Variants in GPATCH8 observed in about 807,000 individuals in gnomAD.
GPATCH8 encodes G-patch domain containing 8.
GPATCH8 carries 18 observed loss-of-function variants against 118.3 expected under a neutral mutation model. The ratio of observed to expected loss-of-function variants is 0.15; its 90% CI spans 0.11 to 0.23. The LOEUF (loss-of-function observed/expected upper bound fraction) is 0.23. Among genes scored for constraint, GPATCH8 ranks in the 10% least tolerant of loss-of-function variants. The pLI is 1.00. For missense variants in GPATCH8, 1,631 were observed against 1,873.8 expected (o/e 0.87, Z 2.39); for synonymous variants, 659 against 684.7 (o/e 0.96, Z 0.59).
chr17:44,458,058 C>T (rs2051401830), intron 3 of GPATCH8, among the ~76,000 whole-genome samples: 1 of 148,620 alleles, frequency 6.7e-6, no homozygotes, highest in African/African-American at 2.5e-5. Context: ...GCACTCCAGC[C>T]AGCCTGGGCG....
intron 6 of GPATCH8, 134 bp downstream of exon 6, chr17:44,424,215 T>C (rs900265111): frequency 1.4e-6 from 1 of 707,102 alleles, no homozygotes; most frequent in Non-Finnish European, 2.6e-6. Flanking sequence ...ACAAAGTGTG[T>C]TGGATGACTG....
intron 1 of GPATCH8, among the ~76,000 whole-genome samples, chr17:44,478,660 CAAAAACAAAA>C (rs1393287543): frequency 6.6e-6 from 1 of 150,632 alleles, no homozygotes; most frequent in East Asian, 1.9e-4. Flanking sequence ...GAGTCTGTCT[CAAAAACAAAA>C]AAAAACAAAA....
intron 3 of GPATCH8, among the ~76,000 whole-genome samples, chr17:44,440,416 G>A (rs1307545063): frequency 1.3e-5 from 2 of 152,152 alleles, no homozygotes; most frequent in Non-Finnish European, 2.9e-5. Flanking sequence ...TTCACTAACT[G>A]GAATTACACA....
chr17:44,498,167 C>T lies in GPATCH8; in HGVS notation c.45+5159G>A, dbSNP rs540694705. 4.6e-5 allele frequency among the ~76,000 whole-genome samples: 7 copies of T among 152,172 alleles called. No individual in the cohort carries two copies. In the South Asian group the frequency reaches 1.2e-3, roughly 27 times the overall value. On this transcript the variant is annotated intron_variant, in intron 1 of 7. Transcript: ENST00000591680. ...AAACTGTGATGAAAGAATCCCTTTG[C>T]AGTACTCTAATGAGAACTGTGTTAC... is the stretch of plus-strand genomic sequence containing the variant.
chr17:44,460,768 T>A (rs2051514290), intron 3 of GPATCH8, among the ~76,000 whole-genome samples: 1 of 152,224 alleles, frequency 6.6e-6, no homozygotes, highest in African/African-American at 2.4e-5. Flanking sequence ...TGCCTACTGT[T>A]TACACTAGAG....
intron 2 of GPATCH8, chr17:44,465,622 A>C (rs568426504): frequency 1.3e-5 from 2 of 152,350 alleles, no homozygotes; most frequent in African/African-American, 4.8e-5. Flanking sequence ...ATATGTATTA[A>C]AATGTAATTT....
intron 2 of GPATCH8, chr17:44,465,483 C>A (rs2144310330): frequency 6.6e-6 from 1 of 152,206 alleles, no homozygotes; most frequent in African/African-American, 2.4e-5. Context: ...TTTCTTTGTC[C>A]AATTCTTTGC....
At position 44,477,863 on chromosome 17, in the gene GPATCH8, G is replaced by A. The variant is rs971094993; in HGVS notation, c.46-2960C>T. Among the ~76,000 whole-genome samples, 108 of 152,294 alleles carry A rather than the reference G, an allele frequency of 7.1e-4. 1 individual carries two copies. The highest frequency in any genetic ancestry group is 2.5e-3 in the African/African-American group (103 of 41,576). On this transcript the variant is annotated intron_variant, in intron 1 of 7. Transcript: ENST00000591680. ...CTTGGTCTGTCGCCCAGGCTAGAGC[G>A]CAGTGATGCCATCTCAGCTCACTGC... is the stretch of plus-strand genomic sequence containing the variant.
intron 6 of GPATCH8, 83 bp downstream of exon 6, chr17:44,424,266 G>A (rs1426163299): frequency 2.1e-6 from 2 of 952,732 alleles, no homozygotes; most frequent in African/African-American, 3.2e-5. Flanking sequence ...TAGACACCAA[G>A]TTTTGGGGGG....
In GPATCH8 at chr17:44,424,469, T is replaced by A. The variant is rs762092050; in HGVS notation, c.372A>T (p.Ala124=). Residue 124 remains alanine (A), a synonymous_variant, in exon 6 of 8, where the codon GCA becomes GCT. Coordinates refer to ENST00000591680, the MANE Select transcript of GPATCH8 (RefSeq NM_001002909.4). Reference sequence around the variant, plus strand: ...TGAGGTCTTCCAAGGCTTTGGCAATTGCCTTCTCTTTGTCAACATAATCCT... The same window carrying A: ...TGAGGTCTTCCAAGGCTTTGGCAATAGCCTTCTCTTTGTCAACATAATCCT... ...KYKDYVDKEK[A]IAKALEDLRA... is the part of the protein sequence containing the mutation. The A allele has an allele frequency of 1.5e-5, 24 of 1,608,286 alleles. No homozygotes were observed. Among genetic ancestry groups the A allele is most frequent in the Admixed American group, 3.3e-5 (2 of 60,004 alleles).
At chr17:44,440,916 T>C (rs1367755817) in intron 3 of GPATCH8, among the ~76,000 whole-genome samples, 1 of 152,154 alleles carries the variant, frequency 6.6e-6, no homozygotes, top group Non-Finnish European at 1.5e-5. Context: ...AGTGACGCAA[T>C]CTCGGCTCAC....
intron 1 of GPATCH8, among the ~76,000 whole-genome samples, chr17:44,497,703 GC>G (rs1261380868): frequency 1.3e-5 from 2 of 151,994 alleles, no homozygotes; most frequent in South Asian, 4.2e-4. Context: ...ACTTTGGGGG[GC>G]TGAGGTGGGA....
Position 44,399,749 on chromosome 17 carries a change from G to A in GPATCH8, c.2328C>T (p.Ser776=). 3 of 1,613,902 alleles carry A rather than the reference G, an allele frequency of 1.9e-6. No homozygotes were observed. Among genetic ancestry groups the A allele is most frequent in the Non-Finnish European group, 1.7e-6 (2 of 1,179,960 alleles). ...SGKKDEGGGG[S]SSQDHGGRKH... Reference sequence around the variant, plus strand: ...TCCTCCCACCATGGTCTTGGGAGCTGCTACCACCCCCACCTTCATCCTTTT... The same window carrying A: ...TCCTCCCACCATGGTCTTGGGAGCTACTACCACCCCCACCTTCATCCTTTT... Residue 776 remains serine (S), a synonymous_variant, in exon 8 of 8, where the codon AGC becomes AGT. Transcript: ENST00000591680.
Position 44,399,153 on chromosome 17 carries a change from C to T in GPATCH8, c.2924G>A (p.Arg975His), listed in dbSNP as rs749705021. ...TTGCCAGCTGTGGGCTGTGGTGCTA[C>T]GGCTTCTCCGCTTGCTTCGACTACG... ...CSRSRSKRRS[R>H]STTAHSWQRS... The change falls in exon 8 of 8, where the codon CGT (arginine) becomes CAT (histidine). Residue 975 changes from arginine (R) to histidine (H), a missense_variant. Coordinates refer to ENST00000591680, the MANE Select transcript of GPATCH8 (RefSeq NM_001002909.4). 8.7e-6 allele frequency: 14 copies of T among 1,609,238 alleles called. No homozygotes were observed. Among genetic ancestry groups the T allele is most frequent in the South Asian group, 4.4e-5 (4 of 91,000 alleles).
intron 6 of GPATCH8, among the ~76,000 whole-genome samples, chr17:44,419,707 C>G (rs1203338859): frequency 2.0e-5 from 3 of 151,324 alleles, no homozygotes; most frequent in African/African-American, 7.3e-5. Context: ...GTCACCCAGG[C>G]TGAGGTGCAG....
At chr17:44,437,414 G>A (rs908367900) in intron 3 of GPATCH8, among the ~76,000 whole-genome samples, 1 of 151,962 alleles carries the variant, frequency 6.6e-6, no homozygotes, top group Admixed American at 6.6e-5. Flanking sequence ...CACAACCTGC[G>A]CTTTTTATTG....
chr17:44,491,067 G>A (rs1969208050), intron 1 of GPATCH8, among the ~76,000 whole-genome samples: 1 of 152,168 alleles, frequency 6.6e-6, no homozygotes, highest in African/African-American at 2.4e-5. Flanking sequence ...ATTAGAGCTG[G>A]AGAAGAAGGA....
At chr17:44,442,299 GAACTTCAGCTGAGAATGAGAGAA>G (rs2050730578) in intron 3 of GPATCH8, among the ~76,000 whole-genome samples, 1 of 150,970 alleles carries the variant, frequency 6.6e-6, no homozygotes, top group South Asian at 2.1e-4. Context: ...TGACCAGCTG[GAACTTCAGCTGAGAATGAGAGAA>G]AACAGAACAT....
intron 6 of GPATCH8, among the ~76,000 whole-genome samples, chr17:44,413,077 A>T (rs1300192935): frequency 6.6e-6 from 1 of 152,226 alleles, no homozygotes; most frequent in African/African-American, 2.4e-5. Flanking sequence ...AAGATTATAG[A>T]TGAATGGTTA....
Sources: allele counts gnomAD v4.1 joint callset (sites outside exome capture counted in the v4.1 genomes callset), GRCh38; gene constraint gnomAD v4.1.1; transcripts MANE v1.5; gene names NCBI Gene and HGNC (gene_info 2026-07-23, HGNC 2026-07-21).